DLG2: variants seen among roughly 807,000 people sequenced by gnomAD.
DLG2 encodes discs large MAGUK scaffold protein 2, also known as disks large homolog 2.
Under a neutral mutation model 132.5 loss-of-function variants are expected in DLG2, and 45 were observed. The observed-to-expected ratio is 0.34, with a 90% CI of 0.27 to 0.44. The LOEUF (loss-of-function observed/expected upper bound fraction) is 0.44. Ranked by LOEUF, DLG2 falls within the 20% of genes least tolerant of loss-of-function variation. DLG2 has a pLI of 1.00. For missense variants in DLG2, 1,045 were observed against 1,196.9 expected (o/e 0.87, Z 1.87); for synonymous variants, 424 against 419.6 (o/e 1.01, Z -0.13).
chr11:84,161,120 G>A (rs767824345), intron 9 of DLG2, among the ~76,000 whole-genome samples: 9 of 152,192 alleles, frequency 5.9e-5, no homozygotes, highest in African/African-American at 4.8e-5. Flanking sequence ...TGCTGAGGCA[G>A]TGGCATGGAG....
At chr11:84,694,093 T>C (rs1267734959) in intron 6 of DLG2, among the ~76,000 whole-genome samples, 1 of 151,568 alleles carries the variant, frequency 6.6e-6, no homozygotes, top group Non-Finnish European at 1.5e-5. Flanking sequence ...AATTGTCACA[T>C]TGCCTATAAC....
intron 3 of DLG2, among the ~76,000 whole-genome samples, chr11:85,446,840 TATA>T (rs1421726712): frequency 6.6e-6 from 1 of 151,942 alleles, no homozygotes; most frequent in African/African-American, 2.4e-5. Flanking sequence ...TATATTGATA[TATA>T]ATATTTTAAA....
At chr11:83,924,600 A>G (rs1414061652) in intron 15 of DLG2, among the ~76,000 whole-genome samples, 1 of 152,096 alleles carries the variant, frequency 6.6e-6, no homozygotes, top group South Asian at 2.1e-4. Flanking sequence ...CTCCCTTCAC[A>G]ATTCACTGGA....
chr11:83,952,731 T>C (rs2085780545), intron 14 of DLG2, among the ~76,000 whole-genome samples: 2 of 151,666 alleles, frequency 1.3e-5, no homozygotes, highest in African/African-American at 4.8e-5. Flanking sequence ...ATGGTCCAAA[T>C]TACATGAATA....
intron 9 of DLG2, among the ~76,000 whole-genome samples, chr11:84,143,667 A>C (rs746092684): frequency 6.6e-6 from 1 of 152,154 alleles, no homozygotes; most frequent in Non-Finnish European, 1.5e-5. Context: ...AATGCTTGAA[A>C]TAATTTCAGT....
chr11:83,986,557 T>C (rs7124202), intron 11 of DLG2, among the ~76,000 whole-genome samples: 118,673 of 147,952 alleles, frequency 0.8, 47,553 homozygotes, highest in Admixed American at 0.85. Flanking sequence ...AGATTTATAG[T>C]CCTTTGGGTA....
intron 3 of DLG2, among the ~76,000 whole-genome samples, chr11:85,442,388 T>A (rs2091824613): frequency 1.3e-5 from 2 of 152,052 alleles, no homozygotes; most frequent in Admixed American, 6.6e-5. Context: ...ATAAATATGG[T>A]CAAGTTATAT....
chr11:84,096,118 C>T (rs78058601), intron 10 of DLG2, among the ~76,000 whole-genome samples: 1,598 of 152,222 alleles, frequency 0.01, 32 homozygotes, highest in African/African-American at 0.036. Context: ...AATACCTAAG[C>T]GACATTCAGA....
intron 6 of DLG2, among the ~76,000 whole-genome samples, chr11:84,744,870 C>A (rs1355703021): frequency 6.8e-6 from 1 of 148,062 alleles, no homozygotes; most frequent in Non-Finnish European, 1.5e-5. Flanking sequence ...TTTCTGCTCT[C>A]CAGATCCTGA....
intron 6 of DLG2, among the ~76,000 whole-genome samples, chr11:84,946,555 C>T (rs2050223325): frequency 6.6e-6 from 1 of 152,000 alleles, no homozygotes; most frequent in Non-Finnish European, 1.5e-5. Flanking sequence ...GCCTAGTGCC[C>T]TATTATATAG....
chr11:84,505,358 T>C (rs889537918), intron 7 of DLG2, among the ~76,000 whole-genome samples: 2 of 152,188 alleles, frequency 1.3e-5, no homozygotes, highest in African/African-American at 4.8e-5. Context: ...CTCATTTGTC[T>C]TCACAAGAAT....
chr11:83,993,219 A>T (rs2093822173), intron 11 of DLG2, among the ~76,000 whole-genome samples: 2 of 152,196 alleles, frequency 1.3e-5, no homozygotes, highest in Admixed American at 1.3e-4. Context: ...CACAGTGCTG[A>T]CATATAGTAA....
chr11:84,558,705 A>G (rs537411874), intron 6 of DLG2, among the ~76,000 whole-genome samples: 21 of 152,210 alleles, frequency 1.4e-4, no homozygotes, highest in Admixed American at 1.2e-3. Flanking sequence ...CTCTGCCTAA[A>G]CATTCCAGCT....
chr11:84,171,870 G>T (rs2095831933), intron 8 of DLG2, among the ~76,000 whole-genome samples: 1 of 152,142 alleles, frequency 6.6e-6, no homozygotes, highest in Non-Finnish European at 1.5e-5. Context: ...CCTGAGGCTT[G>T]CATTAATACA....
At chr11:84,437,141 T>G (rs1365063296) in intron 7 of DLG2, among the ~76,000 whole-genome samples, 1 of 152,202 alleles carries the variant, frequency 6.6e-6, no homozygotes, top group Admixed American at 6.5e-5. Flanking sequence ...GTGAAGACAC[T>G]GTATCAGTTG....
chr11:83,996,918 A>G (rs2094060697), intron 11 of DLG2, among the ~76,000 whole-genome samples: 1 of 152,140 alleles, frequency 6.6e-6, no homozygotes, highest in South Asian at 2.1e-4. Flanking sequence ...GTCCAAAAAG[A>G]CAAGTAAAGT....
intron 19 of DLG2, among the ~76,000 whole-genome samples, chr11:83,628,982 G>A (rs2063104943): frequency 6.6e-6 from 1 of 152,114 alleles, no homozygotes; most frequent in East Asian, 1.9e-4. Flanking sequence ...TGTTTTATGT[G>A]TATATGTATT....
chr11:85,433,195 A>G (rs1031506928), intron 3 of DLG2, among the ~76,000 whole-genome samples: 1 of 152,168 alleles, frequency 6.6e-6, no homozygotes, highest in African/African-American at 2.4e-5. Flanking sequence ...AAAAATCAAT[A>G]CCAGCCACTG....
intron 3 of DLG2, among the ~76,000 whole-genome samples, chr11:85,342,329 T>A (rs1193000238): frequency 6.6e-6 from 1 of 150,720 alleles, no homozygotes; most frequent in South Asian, 2.1e-4. Context: ...CTTTTTAAAC[T>A]TTTTTTGTTA....
Sources: gnomAD v4.1 joint callset for allele counts (sites outside exome capture counted in the v4.1 genomes callset) on GRCh38, gnomAD v4.1.1 for gene constraint, MANE v1.5 for transcripts, NCBI Gene and HGNC (gene_info 2026-07-23, HGNC 2026-07-21) for gene names.